Variants in ODAD2 observed in about 807,000 individuals in gnomAD.
ODAD2 encodes outer dynein arm docking complex subunit 2.
Under a neutral mutation model 106.8 loss-of-function variants are expected in ODAD2, and 89 were observed. The observed-to-expected ratio is 0.83, with a 90% CI of 0.70 to 0.99. ODAD2 has a LOEUF of 0.99. Among genes scored for constraint, ODAD2 ranks in the 50% least tolerant of loss-of-function variants. ODAD2 has a pLI of 0.00. For synonymous variants in ODAD2, 404 were observed against 436.2 expected, an observed-to-expected ratio of 0.93 and a Z score of 0.92; for missense variants, 1,168 against 1,238.5, an observed-to-expected ratio of 0.94 and a Z score of 0.85.
intron 17 of ODAD2, among the ~76,000 whole-genome samples, chr10:27,863,882 T>G (rs899985923): frequency 2.0e-5 from 3 of 151,932 alleles, no homozygotes; most frequent in African/African-American, 7.2e-5. Flanking sequence ...TGGGAGAAAG[T>G]GAGACTTAAG....
intron 7 of ODAD2, among the ~76,000 whole-genome samples, chr10:27,972,877 A>T (rs1483008365): frequency 2.0e-5 from 3 of 152,116 alleles, no homozygotes; most frequent in African/African-American, 7.2e-5. Flanking sequence ...GATATAGAAG[A>T]TATGAGCAAC....
At chr10:27,970,913 A>G (rs1848805987) in intron 8 of ODAD2, among the ~76,000 whole-genome samples, 195 bp downstream of exon 8, 1 of 152,128 alleles carries the variant, frequency 6.6e-6, no homozygotes, top group African/African-American at 2.4e-5. Flanking sequence ...CAGAAGTTGC[A>G]GTGAGCTGAG....
intron 17 of ODAD2, among the ~76,000 whole-genome samples, chr10:27,899,085 T>C (rs773183295): frequency 5.7e-4 from 86 of 151,992 alleles, no homozygotes; most frequent in Non-Finnish European, 9.1e-4. Flanking sequence ...AAGTGGGTGA[T>C]TTCTGCATTT....
chr10:27,869,286 C>T (rs1840678110), intron 17 of ODAD2, among the ~76,000 whole-genome samples: 1 of 152,002 alleles, frequency 6.6e-6, no homozygotes, highest in African/African-American at 2.4e-5. Flanking sequence ...GAAGATCTAA[C>T]ACATGTATGT....
intron 17 of ODAD2, among the ~76,000 whole-genome samples, chr10:27,899,881 G>A (rs1843083018): frequency 6.6e-6 from 1 of 152,158 alleles, no homozygotes; most frequent in Non-Finnish European, 1.5e-5. Context: ...GTGGCAGTGG[G>A]CACAGCTTCA....
At chr10:27,822,326 G>A (rs1836677584) in intron 19 of ODAD2, among the ~76,000 whole-genome samples, 1 of 152,170 alleles carries the variant, frequency 6.6e-6, no homozygotes, top group African/African-American at 2.4e-5. Flanking sequence ...GACATTGTTT[G>A]GGTGAACACA....
intron 16 of ODAD2, among the ~76,000 whole-genome samples, chr10:27,911,090 C>T (rs141113205): frequency 9.8e-4 from 149 of 152,200 alleles, no homozygotes; most frequent in African/African-American, 3.3e-3. Context: ...CCAAAAGGAA[C>T]ATCGCCGCCG....
intron 17 of ODAD2, among the ~76,000 whole-genome samples, chr10:27,894,395 A>G (rs1195895368): frequency 6.6e-6 from 1 of 152,134 alleles, no homozygotes; most frequent in Non-Finnish European, 1.5e-5. Flanking sequence ...CCACTAATCC[A>G]AAAGGCAGTT....
chr10:27,871,643 T>G (rs1168013500), intron 17 of ODAD2, among the ~76,000 whole-genome samples: 4 of 152,232 alleles, frequency 2.6e-5, no homozygotes, highest in African/African-American at 9.6e-5. Flanking sequence ...TTTTGTCAGG[T>G]TTGTCAAAGA....
intron 19 of ODAD2, among the ~76,000 whole-genome samples, chr10:27,857,914 A>G (rs1384964665): frequency 6.6e-6 from 1 of 152,242 alleles, no homozygotes; most frequent in Non-Finnish European, 1.5e-5. Context: ...TTTGACGAGA[A>G]GTCGGCAGCA....
At chr10:27,974,696 T>TG (rs1167269208) in intron 7 of ODAD2, among the ~76,000 whole-genome samples, 10 of 151,874 alleles carry the variant, frequency 6.6e-5, no homozygotes, top group Admixed American at 1.3e-4. Context: ...TTTGTTTTTT[T>TG]TTTTTTTGCT....
chr10:27,922,196 A>C (rs1040188383), intron 16 of ODAD2, among the ~76,000 whole-genome samples: 4 of 151,714 alleles, frequency 2.6e-5, no homozygotes, highest in African/African-American at 9.6e-5. Flanking sequence ...AAAAGAAAAA[A>C]AGAAAAGAAA....
At chr10:27,987,919 T>C (rs1350953016) in intron 2 of ODAD2, among the ~76,000 whole-genome samples, 1 of 151,806 alleles carries the variant, frequency 6.6e-6, no homozygotes, top group Non-Finnish European at 1.5e-5. Context: ...TGGGGAGTTC[T>C]AATGTTATTT....
At chr10:27,843,596 C>T (rs1260206405) in intron 19 of ODAD2, among the ~76,000 whole-genome samples, 1 of 151,938 alleles carries the variant, frequency 6.6e-6, no homozygotes, top group African/African-American at 2.4e-5. Context: ...TGAAACACCA[C>T]CTATACTAAA....
At chr10:27,861,715 C>G (rs529937139) in intron 18 of ODAD2, among the ~76,000 whole-genome samples, 1 of 152,290 alleles carries the variant, frequency 6.6e-6, no homozygotes, top group East Asian at 1.9e-4. Flanking sequence ...TCTTTGTATA[C>G]GTAATTGCCC....
At chr10:27,974,905 T>C (rs1849095854) in intron 7 of ODAD2, among the ~76,000 whole-genome samples, 1 of 152,182 alleles carries the variant, frequency 6.6e-6, no homozygotes, top group African/African-American at 2.4e-5. Flanking sequence ...TTGTGTCATC[T>C]CTGATTTCTT....
intron 17 of ODAD2, among the ~76,000 whole-genome samples, chr10:27,891,623 T>C (rs1292496987): frequency 2.0e-5 from 3 of 152,138 alleles, no homozygotes; most frequent in African/African-American, 7.2e-5. Flanking sequence ...ATATGAATTA[T>C]ACTATTACTT....
At chr10:27,947,593 T>G (rs1411893048) in intron 10 of ODAD2, among the ~76,000 whole-genome samples, 1 of 152,178 alleles carries the variant, frequency 6.6e-6, no homozygotes, top group Non-Finnish European at 1.5e-5. Flanking sequence ...TCTTTTTTTC[T>G]CTGAATTTAA....
intron 18 of ODAD2, among the ~76,000 whole-genome samples, chr10:27,862,197 T>C (rs1011901469): frequency 2.0e-5 from 3 of 152,108 alleles, no homozygotes; most frequent in Non-Finnish European, 4.4e-5. Flanking sequence ...CAGTGGCAAA[T>C]AAAAAACAGC....
Sources: gnomAD v4.1 joint callset for allele counts (sites outside exome capture counted in the v4.1 genomes callset) on GRCh38, gnomAD v4.1.1 for gene constraint, MANE v1.5 for transcripts, NCBI Gene and HGNC (gene_info 2026-07-23, HGNC 2026-07-21) for gene names.